Variants in EYA1 observed in about 807,000 individuals in gnomAD.
EYA1 encodes protein phosphatase EYA1.
A neutral mutation model predicts 82.0 loss-of-function variants in EYA1; 16 were observed. That is an observed-to-expected ratio of 0.20 (90% CI 0.13 to 0.30). The LOEUF (loss-of-function observed/expected upper bound fraction) is 0.30, where lower values mean the gene tolerates loss of function less well. Ranked by LOEUF, EYA1 falls within the 10% of genes least tolerant of loss-of-function variation. The pLI is 1.00. For missense variants in EYA1, 633 were observed against 730.7 expected (o/e 0.87, Z 1.54); for synonymous variants, 261 against 264.4 (o/e 0.99, Z 0.12).
chr8:71,484,747 T>C (rs539032581), intron 2 of EYA1, among the ~76,000 whole-genome samples: 81 of 152,368 alleles, frequency 5.3e-4, no homozygotes, highest in Non-Finnish European at 1.0e-3. Flanking sequence ...TTGTACTTCC[T>C]GTCCCAGGGA....
At chr8:71,521,333 T>G (rs927186232) in intron 2 of EYA1, among the ~76,000 whole-genome samples, 1 of 152,310 alleles carries the variant, frequency 6.6e-6, no homozygotes, top group East Asian at 1.9e-4. Flanking sequence ...AAGATCATCA[T>G]ATTTGTGAGT....
chr8:71,276,789 G>A (rs904160818), intron 9 of EYA1, among the ~76,000 whole-genome samples: 8 of 152,148 alleles, frequency 5.3e-5, no homozygotes, highest in Non-Finnish European at 1.2e-4. Flanking sequence ...ACTGAGCTAT[G>A]TATTCAACTG....
chr8:71,355,322 A>G (rs1826754516), intron 2 of EYA1, among the ~76,000 whole-genome samples: 1 of 152,234 alleles, frequency 6.6e-6, no homozygotes, highest in African/African-American at 2.4e-5. Flanking sequence ...ATGGAAATAG[A>G]TCACTCTTCT....
rs564423735 is a variant in EYA1 at position 71,398,227 on chromosome 8, G to A, written c.34-41716C>T. 3.0e-4 allele frequency among the ~76,000 whole-genome samples: 45 copies of A among 152,168 alleles called. 1 individual carries two copies. The highest frequency in any genetic ancestry group is 9.2e-4 in the African/African-American group (38 of 41,512). Reference sequence around the variant, plus strand: ...CAAGGTTTTTAGCTTCTTTGCAATGGGTTCAAACATCCTCCTTTAGCTCAG... The same window carrying A: ...CAAGGTTTTTAGCTTCTTTGCAATGAGTTCAAACATCCTCCTTTAGCTCAG... On this transcript the variant is annotated intron_variant, in intron 2 of 18. Transcript: ENST00000643681.
At chr8:71,415,942 G>A (rs1227791099) in intron 2 of EYA1, among the ~76,000 whole-genome samples, 19 of 152,214 alleles carry the variant, frequency 1.2e-4, no homozygotes, top group Non-Finnish European at 1.5e-4. Context: ...CAAGGACGCA[G>A]TGCTTAAGTA....
chr8:71,199,417 C>T lies in EYA1; in HGVS notation c.1702G>A (p.Ala568Thr), dbSNP rs773461292. ...VEEEQGAKKH[A>T]MPFWRISSHS... ...CTGGAGATCCTCCAGAAGGGCATCG[C>T]GTGCTGCAGCAGAGGCACACATACA... is the stretch of plus-strand genomic sequence containing the variant. Residue 568 changes from alanine (A) to threonine (T), a missense_variant, in exon 18 of 18, where the codon GCG (alanine) becomes ACG (threonine). Transcript: ENST00000340726. 13 of 1,611,826 alleles carry T rather than the reference C, an allele frequency of 8.1e-6. No individual in the cohort carries two copies. In the Admixed American group the frequency reaches 8.3e-5, roughly 10 times the overall value.
At chr8:71,365,891 A>G (rs7831075), upstream of EYA1, among the ~76,000 whole-genome samples, 122,741 of 152,192 alleles carry the variant, frequency 0.81, 50,158 homozygotes, top group Middle Eastern at 0.92. Flanking sequence ...ATGTCTACCA[A>G]TATTTTGTGA....
At chr8:71,522,975 T>G (rs566500111) in intron 2 of EYA1, among the ~76,000 whole-genome samples, 2 of 152,274 alleles carry the variant, frequency 1.3e-5, no homozygotes, top group Admixed American at 6.5e-5. Flanking sequence ...CTATTATATT[T>G]TCATTTTGTA....
chr8:71,229,906 T>C (rs1264882967), intron 12 of EYA1, among the ~76,000 whole-genome samples: 1 of 152,204 alleles, frequency 6.6e-6, no homozygotes, highest in Admixed American at 6.5e-5. Context: ...TATAAAATAA[T>C]GTTGATCAAA....
In EYA1 at chr8:71,322,020, A is replaced by G. The variant is rs1822616891; in HGVS notation, c.273-141T>C. 7 of 1,219,220 alleles carry G rather than the reference A, an allele frequency of 5.7e-6. No homozygotes were observed. In the South Asian group the frequency reaches 7.5e-5, roughly 13 times the overall value. 75.5% of individuals were successfully genotyped at this position (1,219,220 alleles called of 1,614,324 possible). On this transcript the variant is annotated intron_variant, in intron 5 of 17. Transcript: ENST00000340726. Reference sequence around the variant, plus strand: ...TCACACAGAATTGACAAAGCACTGAAATACTTCAGTGTCTCCACTACATGA... The same window carrying G: ...TCACACAGAATTGACAAAGCACTGAGATACTTCAGTGTCTCCACTACATGA...
chr8:71,517,392 A>G (rs1171146383), intron 2 of EYA1, among the ~76,000 whole-genome samples: 1 of 151,940 alleles, frequency 6.6e-6, no homozygotes, highest in Non-Finnish European at 1.5e-5. Context: ...ATTTTGAAAA[A>G]TGCATCCTGC....
chr8:71,254,997 T>C (rs778669289), intron 11 of EYA1, among the ~76,000 whole-genome samples: 1 of 152,098 alleles, frequency 6.6e-6, no homozygotes, highest in Admixed American at 6.5e-5. Context: ...CCATTTACAA[T>C]AGCAGAAATG....
chr8:71,524,531 G>C (rs1466213584), intron 2 of EYA1, among the ~76,000 whole-genome samples: 1 of 152,132 alleles, frequency 6.6e-6, no homozygotes, highest in Non-Finnish European at 1.5e-5. Flanking sequence ...ACATCCCTGT[G>C]ATAGCTATAC....
chr8:71,529,536 T>C (rs925747069), intron 2 of EYA1: 4 of 152,190 alleles, frequency 2.6e-5, no homozygotes, highest in Non-Finnish European at 4.4e-5. Flanking sequence ...GGTGCTTCAA[T>C]GATCTCAAAA....
chr8:71,507,654 G>A lies in EYA1; in HGVS notation c.33+28090C>T, dbSNP rs146933251. Among the ~76,000 whole-genome samples, 344 of 152,244 alleles carry A rather than the reference G, an allele frequency of 2.3e-3. 2 individuals carry two copies. Among genetic ancestry groups the A allele is most frequent in the African/African-American group, 7.7e-3 (321 of 41,542 alleles). On this transcript the variant is annotated intron_variant, in intron 2 of 18. Transcript: ENST00000643681. ...GTCCATCATAATGTCACAGCCATTC[G>A]GTAGAATACTACACAACCATAAAAA...
intron 1 of EYA1, among the ~76,000 whole-genome samples, chr8:71,538,150 T>C (rs1015851748): frequency 1.3e-5 from 2 of 152,212 alleles, no homozygotes; most frequent in African/African-American, 4.8e-5. Context: ...GGTCTACTGA[T>C]ATTTAGGAGC....
At chr8:71,389,177 A>AGC (rs1829135923) in intron 2 of EYA1, among the ~76,000 whole-genome samples, 1 of 152,098 alleles carries the variant, frequency 6.6e-6, no homozygotes, top group Non-Finnish European at 1.5e-5. Flanking sequence ...GGGGAAAAAA[A>AGC]ATTCTGGCAG....
At chr8:71,528,452 C>G (rs1813984786) in intron 2 of EYA1, among the ~76,000 whole-genome samples, 1 of 152,124 alleles carries the variant, frequency 6.6e-6, no homozygotes, top group African/African-American at 2.4e-5. Context: ...CAACCTGGTG[C>G]CCAATGTGAA....
intron 12 of EYA1, among the ~76,000 whole-genome samples, chr8:71,217,263 T>G (rs796318113): frequency 2.6e-5 from 4 of 152,340 alleles, no homozygotes; most frequent in African/African-American, 9.6e-5. Context: ...AACACATTTT[T>G]GTGTTTAGAA....
Sources: gnomAD v4.1 joint callset for allele counts (sites outside exome capture counted in the v4.1 genomes callset) on GRCh38, gnomAD v4.1.1 for gene constraint, MANE v1.5 for transcripts, NCBI Gene and HGNC (gene_info 2026-07-23, HGNC 2026-07-21) for gene names.